The following CEP192 variants were observed in gnomAD, a reference collection of about 807,000 sequenced individuals.
CEP192 encodes centrosomal protein 192, also known as centrosomal protein of 192 kDa.
CEP192 carries 151 observed loss-of-function variants against 271.8 expected under a neutral mutation model. The ratio of observed to expected loss-of-function variants is 0.56; its 90% confidence interval spans 0.49 to 0.64. The LOEUF (loss-of-function observed/expected upper bound fraction) is 0.64. Among genes scored for constraint, CEP192 ranks in the 30% least tolerant of loss-of-function variants. CEP192 has a pLI of 0.00. For missense variants in CEP192, 2,910 were observed against 3,020.5 expected, an observed-to-expected ratio of 0.96 and a Z score of 0.86; for synonymous variants, 995 against 1,076.5, an observed-to-expected ratio of 0.92 and a Z score of 1.48.
intron 11 of CEP192, 122 bp downstream of exon 11, chr18:13,030,730 C>G: frequency 1.4e-6 from 1 of 738,598 alleles, no homozygotes; most frequent in Non-Finnish European, 2.2e-6. Context: ...ATTCTGGAAG[C>G]ACTTCACTTG....
At chr18:13,038,283 G>T in intron 12 of CEP192, 87 bp from the exon 13 acceptor site, 114 of 1,062,692 alleles carry the variant, frequency 1.1e-4, no homozygotes, top group South Asian at 2.9e-4. Flanking sequence ...AAATTTTCTT[G>T]GTAAGACTTT....
rs2039686706 is a variant in CEP192 at position 13,101,167 on chromosome 18, G to A, written c.6871+655G>A. The stretch of plus-strand genomic sequence containing the variant: ...CCTGAGCCACAGCTTCTAGTCAGCC[G>A]CAATCACAAGGGTGAACAGCTGATA... On this transcript the variant is annotated intron_variant, in intron 38 of 44. Transcript: ENST00000506447. Among the ~76,000 whole-genome samples, 4 of 152,248 alleles carry A rather than the reference G, an allele frequency of 2.6e-5. No individual in the cohort carries two copies. In the South Asian group the frequency reaches 8.3e-4, roughly 32 times the overall value.
intron 9 of CEP192, among the ~76,000 whole-genome samples, chr18:13,023,386 T>C (rs2035103799): frequency 6.6e-6 from 1 of 152,112 alleles, no homozygotes; most frequent in African/African-American, 2.4e-5. Flanking sequence ...TATAGGTTTT[T>C]TAACTTATTT....
chr18:13,096,145 G>T, intron 35 of CEP192, 39 bp from the exon 36 acceptor site: 1 of 1,603,900 alleles, frequency 6.2e-7, no homozygotes, highest in South Asian at 1.1e-5. Flanking sequence ...TTTCACTGTT[G>T]TTAAATGTAA....
chr18:13,024,387 G>C, intron 9 of CEP192: 1 of 453,872 alleles, frequency 2.2e-6, no homozygotes, highest in Non-Finnish European at 4.4e-6. Context: ...TTGGTTTCTT[G>C]TAGACGTCAT....
At chr18:13,077,587 G>C (rs1351884537) in intron 30 of CEP192, among the ~76,000 whole-genome samples, 2 of 152,168 alleles carry the variant, frequency 1.3e-5, no homozygotes, top group African/African-American at 4.8e-5. Flanking sequence ...TTCCTGCAAG[G>C]GTTGAGCCCT....
At position 13,014,277 on chromosome 18, in the gene CEP192, A is replaced by G. The variant is rs571568384; in HGVS notation, c.520-1051A>G. 5.3e-5 allele frequency among the ~76,000 whole-genome samples: 8 copies of G among 152,356 alleles called. No individual in the cohort carries two copies. In the South Asian group the frequency reaches 1.7e-3, roughly 32 times the overall value. ...AGGGACCTTAAAACTGGAAAGCAAC[A>G]AAAGTATAGAAACATGAGATGCTTG... On this transcript the variant is annotated intron_variant, in intron 5 of 44. Coordinates refer to ENST00000506447, the MANE Select transcript of CEP192 (RefSeq NM_032142.4).
intron 11 of CEP192, among the ~76,000 whole-genome samples, chr18:13,035,097 G>A (rs2035847935): frequency 6.6e-6 from 1 of 152,146 alleles, no homozygotes; most frequent in Admixed American, 6.5e-5. Context: ...TTTCTGATGA[G>A]TAGACAAGAT....
intron 20 of CEP192, 176 bp from the exon 21 acceptor site, chr18:13,058,906 T>G: frequency 1.7e-6 from 1 of 596,652 alleles, no homozygotes; most frequent in Non-Finnish European, 3.0e-6. Context: ...CAGGAAGCAT[T>G]TGACTCGTTG....
At chr18:13,055,640 C>G in intron 18 of CEP192, 140 bp from the exon 19 acceptor site, 1 of 568,040 alleles carries the variant, frequency 1.8e-6, no homozygotes, top group South Asian at 2.7e-5. Context: ...TGCAAGACTA[C>G]TATTTTTGTG....
chr18:13,067,475 A>T (rs1030453395), intron 21 of CEP192, among the ~76,000 whole-genome samples: 5 of 152,212 alleles, frequency 3.3e-5, no homozygotes, highest in Non-Finnish European at 1.5e-5. Flanking sequence ...TGAAAATGCC[A>T]AGATATTCAT....
At chr18:13,017,460 C>T (rs1475310991) in intron 7 of CEP192, 124 bp downstream of exon 7, 17 of 648,002 alleles carry the variant, frequency 2.6e-5, no homozygotes, top group Non-Finnish European at 3.4e-5. Flanking sequence ...TCTGTGTTTC[C>T]GAGGTATGAA....
intron 40 of CEP192, among the ~76,000 whole-genome samples, chr18:13,106,898 A>G (rs2039983784): frequency 1.3e-5 from 2 of 152,234 alleles, no homozygotes; most frequent in Non-Finnish European, 2.9e-5. Flanking sequence ...ACAGCTTATT[A>G]TAAAACATCC....
At chr18:13,117,698 T>A in intron 44 of CEP192, 55 bp downstream of exon 44, 1 of 1,366,766 alleles carries the variant, frequency 7.3e-7, no homozygotes, top group Non-Finnish European at 1.0e-6. Flanking sequence ...CTTTCGTCTC[T>A]TGGGAGTTGG....
intron 40 of CEP192, among the ~76,000 whole-genome samples, chr18:13,111,421 G>A (rs551980545): frequency 3.5e-4 from 54 of 152,234 alleles, no homozygotes; most frequent in Middle Eastern, 3.4e-3. Flanking sequence ...CACCGTGCCC[G>A]GCCTGAGTTG....
intron 44 of CEP192, among the ~76,000 whole-genome samples, chr18:13,121,044 T>C (rs1351607386): frequency 6.6e-6 from 1 of 152,158 alleles, no homozygotes; most frequent in Non-Finnish European, 1.5e-5. Flanking sequence ...ACCACAGAAC[T>C]GAAGTCATGG....
intron 1 of CEP192, among the ~76,000 whole-genome samples, 160 bp downstream of exon 1, chr18:12,991,597 C>T (rs1393771209): frequency 6.6e-6 from 1 of 152,286 alleles, no homozygotes; most frequent in African/African-American, 2.4e-5. Flanking sequence ...AAGGGGACTG[C>T]CGCGCTTCCC....
chr18:13,060,598 C>T (rs956488555), intron 21 of CEP192, among the ~76,000 whole-genome samples: 1 of 151,468 alleles, frequency 6.6e-6, no homozygotes, highest in Non-Finnish European at 1.5e-5. Flanking sequence ...TTGACCAAAA[C>T]ATCATTATGT....
At chr18:13,028,893 A>G (rs2035459352) in intron 9 of CEP192, among the ~76,000 whole-genome samples, 1 of 152,224 alleles carries the variant, frequency 6.6e-6, no homozygotes, top group Admixed American at 6.5e-5. Flanking sequence ...ATTTGAACCT[A>G]TGTCTTTCTT....
Sources: gnomAD v4.1 joint callset for allele counts (sites outside exome capture counted in the v4.1 genomes callset) on GRCh38, gnomAD v4.1.1 for gene constraint, MANE v1.5 for transcripts, NCBI Gene and HGNC (gene_info 2026-07-23, HGNC 2026-07-21) for gene names.